The following FUT9 variants were observed in gnomAD, a reference collection of about 807,000 sequenced individuals.
FUT9 encodes the protein fucosyltransferase 9, also known as 4-galactosyl-N-acetylglucosaminide 3-alpha-L-fucosyltransferase 9.
Under a neutral mutation model 29.7 loss-of-function variants are expected in FUT9, and 15 were observed. That is an observed-to-expected ratio of 0.51 (90% confidence interval 0.34 to 0.78). FUT9 has a LOEUF of 0.78. FUT9 is among the 30% of genes least tolerant of loss of function. The pLI is 0.01. For synonymous variants in FUT9, 169 were observed against 153.7 expected, an observed-to-expected ratio of 1.10 and a Z score of -0.74; for missense variants, 319 against 425.4, an observed-to-expected ratio of 0.75 and a Z score of 2.20.
At chr6:96,027,110 A>G (rs1416878714) in intron 1 of FUT9, among the ~76,000 whole-genome samples, 1 of 151,682 alleles carries the variant, frequency 6.6e-6, no homozygotes, top group Non-Finnish European at 1.5e-5. Flanking sequence ...GTAAATATTC[A>G]TATCCTGATA....
intron 1 of FUT9, among the ~76,000 whole-genome samples, chr6:96,044,747 A>G (rs191702041): frequency 3.5e-4 from 53 of 152,290 alleles, no homozygotes; most frequent in Non-Finnish European, 5.6e-4. Context: ...ACTCTTTTTA[A>G]TTCCCTAATT....
chr6:96,175,640 C>T (rs141323453), intron 2 of FUT9, among the ~76,000 whole-genome samples: 215 of 152,206 alleles, frequency 1.4e-3, no homozygotes, highest in African/African-American at 4.8e-3. Flanking sequence ...TCTACCTGAG[C>T]CTCAAATATT....
rs4621639 is a variant in FUT9, at chr6:96,210,559, C to T, written c.*6324C>T. 0.92 allele frequency: 153,519 copies of T among 166,804 alleles called. 72,043 individuals carry two copies. The highest frequency in any genetic ancestry group is 1 in the Non-Finnish European group (67,867 of 67,996). The allele number at this position is 166,804 out of a possible 1,614,324, so 10.3% of individuals were successfully genotyped here. On this transcript the variant is annotated 3_prime_UTR_variant, in exon 3 of 3. Transcript: ENST00000302103. ...CATACCTCAGGAAATCACCAGTTCTCGTCTTGGAGGAACTATTAGGAAAAT... is the reference window on the plus strand; with the variant it reads ...CATACCTCAGGAAATCACCAGTTCTTGTCTTGGAGGAACTATTAGGAAAAT...
chr6:96,116,963 A>G (rs1306221215), intron 2 of FUT9, among the ~76,000 whole-genome samples: 2 of 152,220 alleles, frequency 1.3e-5, no homozygotes, highest in African/African-American at 2.4e-5. Flanking sequence ...AAAGAAAGAA[A>G]GAAAACAAAT....
intron 2 of FUT9, among the ~76,000 whole-genome samples, chr6:96,136,147 G>C (rs1353434431): frequency 2.0e-5 from 3 of 151,466 alleles, no homozygotes; most frequent in Non-Finnish European, 4.4e-5. Context: ...TATTGATGGG[G>C]TATCAGTGGG....
chr6:96,063,470 A>C (rs979616883), intron 1 of FUT9, among the ~76,000 whole-genome samples: 1 of 152,088 alleles, frequency 6.6e-6, no homozygotes, highest in Admixed American at 6.5e-5. Flanking sequence ...CTCAGAGTGA[A>C]AGCTCGGTTA....
chr6:96,117,642 G>A (rs77924376), intron 2 of FUT9, among the ~76,000 whole-genome samples: 2 of 152,186 alleles, frequency 1.3e-5, no homozygotes, highest in East Asian at 3.8e-4. Flanking sequence ...TAAGTGACTT[G>A]CCTAGGATCA....
intron 2 of FUT9, among the ~76,000 whole-genome samples, chr6:96,123,206 G>T (rs1772065318): frequency 6.6e-6 from 1 of 151,748 alleles, no homozygotes; most frequent in Non-Finnish European, 1.5e-5. Context: ...ATTGACCAAA[G>T]GATATGACTA....
intron 1 of FUT9, among the ~76,000 whole-genome samples, chr6:96,092,938 T>TA (rs1562122124): frequency 5.9e-5 from 9 of 151,894 alleles, no homozygotes; most frequent in East Asian, 5.8e-4. Flanking sequence ...TTAAAAAATT[T>TA]TAAAAAAATC....
intron 1 of FUT9, among the ~76,000 whole-genome samples, chr6:96,077,891 A>G (rs1317789473): frequency 2.0e-5 from 3 of 152,158 alleles, no homozygotes; most frequent in Non-Finnish European, 4.4e-5. Context: ...ATCTGCCTCC[A>G]CATCAACTTT....
chr6:96,074,115 A>C (rs1207614034), intron 1 of FUT9, among the ~76,000 whole-genome samples: 1 of 152,138 alleles, frequency 6.6e-6, no homozygotes, highest in East Asian at 1.9e-4. Flanking sequence ...TTATTATCTC[A>C]CCGAATATTA....
At chr6:96,126,757 T>C (rs1201582084) in intron 2 of FUT9, among the ~76,000 whole-genome samples, 1 of 152,224 alleles carries the variant, frequency 6.6e-6, no homozygotes, top group East Asian at 1.9e-4. Flanking sequence ...TTATTTCACC[T>C]AAATACTTTC....
chr6:96,066,651 C>T (rs1770966625), intron 1 of FUT9, among the ~76,000 whole-genome samples: 2 of 152,158 alleles, frequency 1.3e-5, no homozygotes, highest in Middle Eastern at 3.4e-3. Context: ...GACCATAGGC[C>T]AACTTCCTCA....
chr6:96,065,587 G>A (rs570919087), intron 1 of FUT9, among the ~76,000 whole-genome samples: 56 of 151,894 alleles, frequency 3.7e-4, no homozygotes, highest in Non-Finnish European at 5.9e-4. Context: ...GAACTTTCTC[G>A]GGAATTTATA....
intron 2 of FUT9, among the ~76,000 whole-genome samples, chr6:96,174,055 G>C (rs9390976): frequency 0.91 from 138,732 of 152,130 alleles, 64,622 homozygotes; most frequent in Non-Finnish European, 1. Context: ...ATTTGCTCCA[G>C]TGGTTGAGAC....
chr6:96,189,025 C>T (rs1242444102), intron 2 of FUT9, among the ~76,000 whole-genome samples: 1 of 152,074 alleles, frequency 6.6e-6, no homozygotes, highest in East Asian at 1.9e-4. Context: ...GTGGCAAATG[C>T]TGTGCAAAAA....
At chr6:96,165,077 G>C (rs923091669) in intron 2 of FUT9, among the ~76,000 whole-genome samples, 1 of 152,178 alleles carries the variant, frequency 6.6e-6, no homozygotes, top group African/African-American at 2.4e-5. Flanking sequence ...TTAGAGTGAT[G>C]TAAGTCTTTG....
At chr6:96,189,537 G>A (rs1043481000) in intron 2 of FUT9, among the ~76,000 whole-genome samples, 2 of 152,100 alleles carry the variant, frequency 1.3e-5, no homozygotes, top group African/African-American at 4.8e-5. Context: ...TTGTGTGGGA[G>A]TCTAAGTCTC....
At chr6:96,072,283 C>T (rs1426783348) in intron 1 of FUT9, among the ~76,000 whole-genome samples, 3 of 152,114 alleles carry the variant, frequency 2.0e-5, no homozygotes, top group South Asian at 2.1e-4. Context: ...TATCTTATTT[C>T]GTACCACCTT....
Sources: allele counts gnomAD v4.1 joint callset (sites outside exome capture counted in the v4.1 genomes callset), GRCh38; gene constraint gnomAD v4.1.1; transcripts MANE v1.5; gene names NCBI Gene and HGNC (gene_info 2026-07-23, HGNC 2026-07-21).